The following TMEM116 variants were observed in gnomAD, a reference collection of about 807,000 sequenced individuals.
TMEM116 encodes the protein transmembrane protein 116.
Under a neutral mutation model 44.3 loss-of-function variants are expected in TMEM116, and 38 were observed. The observed-to-expected ratio is 0.86, with a 90% CI of 0.66 to 1.12. The LOEUF (loss-of-function observed/expected upper bound fraction) is 1.12. Ranked by LOEUF, TMEM116 falls within the 50% of genes most tolerant of loss-of-function variation. The probability of loss-of-function intolerance (pLI) is 0.00; values close to 1 mark genes in which losing one functional copy is unlikely to be tolerated. For missense variants in TMEM116, 354 were observed against 401.7 expected, an observed-to-expected ratio of 0.88 and a Z score of 1.01; for synonymous variants, 132 against 144.8, an observed-to-expected ratio of 0.91 and a Z score of 0.64.
chr12:111,963,948 T>C (rs1186918069), intron 4 of TMEM116, among the ~76,000 whole-genome samples: 1 of 152,176 alleles, frequency 6.6e-6, no homozygotes, highest in Non-Finnish European at 1.5e-5. Context: ...TCAAATGTTA[T>C]TTCTTTTATG....
At chr12:111,943,170 CCCCTCAGCCT>C (rs1247811473) in intron 5 of TMEM116, 85 bp downstream of exon 5, 8 of 959,106 alleles carry the variant, frequency 8.3e-6, no homozygotes, top group Non-Finnish European at 1.3e-5. Flanking sequence ...GCAATCTGCC[CCCCTCAGCCT>C]CCCTAACTGC....
chr12:112,009,787 A>C (rs1008265355), intron 1 of TMEM116, among the ~76,000 whole-genome samples: 2 of 151,372 alleles, frequency 1.3e-5, no homozygotes, highest in African/African-American at 4.8e-5. Context: ...TGGAGGTTGC[A>C]GTGAGCTGAG....
At chr12:111,958,829 C>T (rs1166500322) in intron 4 of TMEM116, among the ~76,000 whole-genome samples, 4 of 152,124 alleles carry the variant, frequency 2.6e-5, no homozygotes, top group East Asian at 3.9e-4. Context: ...ACAAAGCCTC[C>T]AAGAAATATG....
In TMEM116 at chr12:111,991,964, T is replaced by C. The variant is rs2076631801; in HGVS notation, c.79-75A>G. On this transcript the variant is annotated intron_variant, in intron 3 of 10. Coordinates refer to ENST00000552374, the MANE Select transcript of TMEM116 (RefSeq NM_001193531.2). ...TGTTAACAATGTAACAGTTCTTACA[T>C]TTTATGTTTCTAGTAGGAAACTGAC... 6.3e-6 allele frequency: 9 copies of C among 1,427,024 alleles called. No individual in the cohort carries two copies. The East Asian group carries it at 2.4e-4, about 38-fold the overall frequency. 88.4% of individuals were successfully genotyped at this position (1,427,024 alleles called of 1,614,324 possible).
At chr12:111,957,150 T>C (rs1227674795) in intron 4 of TMEM116, among the ~76,000 whole-genome samples, 1 of 149,548 alleles carries the variant, frequency 6.7e-6, no homozygotes, top group Non-Finnish European at 1.5e-5. Flanking sequence ...GAGGAGTGCC[T>C]CTTCCTGGCC....
chr12:111,933,800 C>T (rs899948776), intron 9 of TMEM116, 86 bp downstream of exon 9: 11 of 1,540,520 alleles, frequency 7.1e-6, no homozygotes, highest in African/African-American at 1.4e-5. Context: ...CCGACCTCAG[C>T]CATCCTTCTT....
At chr12:111,965,739 C>A in intron 4 of TMEM116, 1 of 387,318 alleles carries the variant, frequency 2.6e-6, no homozygotes, top group Non-Finnish European at 5.1e-6. Context: ...GCCTGGCAAA[C>A]ATGGCGAAAC....
intron 4 of TMEM116, among the ~76,000 whole-genome samples, chr12:111,948,290 T>G (rs1056227994): frequency 6.6e-6 from 1 of 152,126 alleles, no homozygotes; most frequent in Admixed American, 6.6e-5. Context: ...CTGAGAAACG[T>G]AGGAGTTCAG....
chr12:111,996,451 T>A (rs997964167), intron 3 of TMEM116, among the ~76,000 whole-genome samples: 2 of 151,984 alleles, frequency 1.3e-5, no homozygotes, highest in African/African-American at 4.8e-5. Flanking sequence ...ACTTTATTAG[T>A]AATAAAGGAA....
intron 4 of TMEM116, among the ~76,000 whole-genome samples, chr12:111,985,656 T>C (rs1159453524): frequency 2.0e-5 from 3 of 152,140 alleles, no homozygotes; most frequent in Non-Finnish European, 4.4e-5. Context: ...GGCGGAATCA[T>C]GGCCCACGGC....
intron 1 of TMEM116, among the ~76,000 whole-genome samples, chr12:112,007,962 T>C (rs1366543366): frequency 6.6e-6 from 1 of 152,206 alleles, no homozygotes. Context: ...CCATCTTCCT[T>C]TTCTAAAAGG....
chr12:111,986,627 T>A (rs80283868), intron 4 of TMEM116, among the ~76,000 whole-genome samples: 1 of 151,944 alleles, frequency 6.6e-6, no homozygotes, highest in Admixed American at 6.6e-5. Context: ...GTGAGCAACA[T>A]AGGAGACCCC....
chr12:111,949,516 T>A (rs1186826463), intron 4 of TMEM116, among the ~76,000 whole-genome samples: 1 of 152,228 alleles, frequency 6.6e-6, no homozygotes. Context: ...GGTCAGTTGC[T>A]ATTCCTGCTG....
chr12:111,967,670 T>C (rs1214443412), intron 4 of TMEM116, among the ~76,000 whole-genome samples: 1 of 151,974 alleles, frequency 6.6e-6, no homozygotes, highest in Non-Finnish European at 1.5e-5. Flanking sequence ...ATCACAGTAA[T>C]GACACAATGA....
At chr12:111,992,213 G>C (rs958409371) in intron 3 of TMEM116, among the ~76,000 whole-genome samples, 1 of 151,880 alleles carries the variant, frequency 6.6e-6, no homozygotes, top group Admixed American at 6.6e-5. Context: ...TTGTGGTGGA[G>C]ATGTACCACA....
chr12:111,995,664 G>A (rs550398258), intron 3 of TMEM116, among the ~76,000 whole-genome samples: 2 of 152,228 alleles, frequency 1.3e-5, no homozygotes, highest in South Asian at 4.1e-4. Context: ...TTTGAACCCA[G>A]GAGGCGGAGG....
rs369049249 is a variant in TMEM116 at position 111,985,861 on chromosome 12, C to T, written c.210+5897G>A. Among the ~76,000 whole-genome samples the T allele has an allele frequency of 5.3e-5, 8 of 152,142 alleles. 1 individual carries two copies. In the South Asian group the frequency reaches 1.2e-3, roughly 24 times the overall value. ...ATCTGCCTGCCTCAGCTTCCCAAAGCGCTGGGATTGTAGGCATGAGCCACC... is the reference window on the plus strand; with the variant it reads ...ATCTGCCTGCCTCAGCTTCCCAAAGTGCTGGGATTGTAGGCATGAGCCACC... On this transcript the variant is annotated intron_variant, in intron 4 of 10. Coordinates refer to ENST00000552374, the MANE Select transcript of TMEM116 (RefSeq NM_001193531.2).
At chr12:111,955,433 C>T (rs2074013336) in intron 4 of TMEM116, among the ~76,000 whole-genome samples, 1 of 152,176 alleles carries the variant, frequency 6.6e-6, no homozygotes, top group African/African-American at 2.4e-5. Context: ...TTCTACAGGA[C>T]AATCATATAT....
intron 4 of TMEM116, among the ~76,000 whole-genome samples, chr12:111,963,809 G>A (rs2074788210): frequency 6.6e-6 from 1 of 152,030 alleles, no homozygotes; most frequent in South Asian, 2.1e-4. Context: ...AGAACTTAAA[G>A]TATTTTTTTT....
Sources: gnomAD v4.1 joint callset for allele counts (sites outside exome capture counted in the v4.1 genomes callset) on GRCh38, gnomAD v4.1.1 for gene constraint, MANE v1.5 for transcripts, NCBI Gene and HGNC (gene_info 2026-07-23, HGNC 2026-07-21) for gene names.